The following UQCC1 variants were observed in gnomAD, a reference collection of about 807,000 sequenced individuals.
UQCC1 encodes bFGF-repressed Zic-binding protein.
In UQCC1, 38 loss-of-function variants were observed where a neutral mutation model predicts 48.0. The observed-to-expected ratio is 0.79, with a 90% confidence interval of 0.61 to 1.04. UQCC1 has a LOEUF of 1.04. UQCC1 is among the 50% of genes least tolerant of loss of function. UQCC1 has a pLI of 0.00. For missense variants in UQCC1, 368 were observed against 381.8 expected, an observed-to-expected ratio of 0.96 and a Z score of 0.30; for synonymous variants, 111 against 129.2, an observed-to-expected ratio of 0.86 and a Z score of 0.95.
chr20:35,355,348 A>G (rs2061535433), intron 6 of UQCC1, among the ~76,000 whole-genome samples: 1 of 152,244 alleles, frequency 6.6e-6, no homozygotes, highest in Non-Finnish European at 1.5e-5. Context: ...CATGAGTTCT[A>G]CTGGGAAAAT....
intron 1 of UQCC1, among the ~76,000 whole-genome samples, chr20:35,402,834 G>A (rs1296983223): frequency 6.6e-6 from 1 of 151,670 alleles, no homozygotes; most frequent in Non-Finnish European, 1.5e-5. Flanking sequence ...GGGAGGCCGA[G>A]GCAGGCGGAC....
chr20:35,405,713 C>T lies in UQCC1; in HGVS notation c.24+6227G>A, dbSNP rs1008176543. Among the ~76,000 whole-genome samples the T allele has an allele frequency of 8.0e-4, 121 of 152,076 alleles. 3 individuals are homozygous for T. Among genetic ancestry groups the T allele is most frequent in the Non-Finnish European group, 1.8e-4 (12 of 68,020 alleles). On this transcript the variant is annotated intron_variant, in intron 1 of 9. Coordinates refer to ENST00000374385, the MANE Select transcript of UQCC1 (RefSeq NM_018244.5). Reference sequence around the variant, plus strand: ...GACCATCCTGGCCAACATGGTGAAACCCCATCTCTACTAAAAATACAAAAA... The same window carrying T: ...GACCATCCTGGCCAACATGGTGAAATCCCATCTCTACTAAAAATACAAAAA...
intron 8 of UQCC1, among the ~76,000 whole-genome samples, chr20:35,309,738 G>A (rs1400070926): frequency 6.6e-6 from 1 of 152,192 alleles, no homozygotes; most frequent in Non-Finnish European, 1.5e-5. Flanking sequence ...TTTCAGCTTT[G>A]GAGGGTTCTA....
chr20:35,321,445 G>A (rs2061128301), intron 7 of UQCC1, among the ~76,000 whole-genome samples: 1 of 152,106 alleles, frequency 6.6e-6, no homozygotes, highest in Non-Finnish European at 1.5e-5. Flanking sequence ...TGTTCCCGTT[G>A]CGATGAAAGG....
chr20:35,383,896 G>T (rs2061906160), intron 3 of UQCC1, 142 bp downstream of exon 3: 1 of 607,920 alleles, frequency 1.6e-6, no homozygotes, highest in African/African-American at 1.9e-5. Context: ...TACCATCCTT[G>T]TGACCTTGGG....
At chr20:35,339,475 T>C (rs757602020) in intron 7 of UQCC1, among the ~76,000 whole-genome samples, 2 of 152,124 alleles carry the variant, frequency 1.3e-5, no homozygotes, top group Admixed American at 6.5e-5. Context: ...TCAGACGGAA[T>C]AGCATAAACA....
At chr20:35,320,758 G>A (rs144932396) in intron 7 of UQCC1, among the ~76,000 whole-genome samples, 20 of 152,368 alleles carry the variant, frequency 1.3e-4, no homozygotes, top group Middle Eastern at 6.8e-3. Context: ...AAACACTGAT[G>A]AGCATGAAGG....
At chr20:35,403,157 AG>A (rs1447115863) in intron 1 of UQCC1, among the ~76,000 whole-genome samples, 2 of 152,196 alleles carry the variant, frequency 1.3e-5, no homozygotes, top group Non-Finnish European at 2.9e-5. Context: ...GATTACATAC[AG>A]GAAAGATTTG....
At chr20:35,337,754 C>T (rs2061330326) in intron 7 of UQCC1, among the ~76,000 whole-genome samples, 1 of 152,188 alleles carries the variant, frequency 6.6e-6, no homozygotes, top group Admixed American at 6.5e-5. Flanking sequence ...CTAGTTTTAA[C>T]TTCTGAACTC....
chr20:35,385,844 CTTT>C (rs111277050), intron 2 of UQCC1, among the ~76,000 whole-genome samples: 1 of 137,572 alleles, frequency 7.3e-6, no homozygotes. Context: ...TTTAAATAGA[CTTT>C]TTTTTTTTTT....
chr20:35,366,495 C>A, intron 6 of UQCC1, 62 bp downstream of exon 6: 1 of 1,478,408 alleles, frequency 6.8e-7, no homozygotes, highest in South Asian at 1.1e-5. Context: ...AAGGCTATAC[C>A]TTACAAGTCA....
At chr20:35,387,083 C>G (rs372740278) in intron 2 of UQCC1, among the ~76,000 whole-genome samples, 1 of 151,820 alleles carries the variant, frequency 6.6e-6, no homozygotes, top group Non-Finnish European at 1.5e-5. Flanking sequence ...TAGAGACCAG[C>G]CTGGGCAACA....
chr20:35,379,670 G>A (rs1003751778), intron 4 of UQCC1, among the ~76,000 whole-genome samples: 4 of 152,116 alleles, frequency 2.6e-5, no homozygotes, highest in Non-Finnish European at 4.4e-5. Flanking sequence ...GCCAGGTGTG[G>A]TGGCATGCGC....
Position 35,306,772 on chromosome 20 carries a change from A to G in UQCC1, c.659T>C (p.Leu220Pro). 1 of 1,613,892 alleles carries G rather than the reference A, an allele frequency of 6.2e-7. No individual in the cohort carries two copies. Among genetic ancestry groups the G allele is most frequent in the Non-Finnish European group, 8.5e-7 (1 of 1,179,824 alleles). The part of the protein sequence containing the change: ...AAILGYDEGI[L>P]SDDHGLAAAL... ...AGCGGCCAGCCCATGATCATCTGAA[A>G]GGATCCCCTGGAACATACAGCACAG... is the stretch of plus-strand genomic sequence containing the variant. The change falls in exon 9 of 10, where the codon CTT becomes CCT. Residue 220 changes from leucine to proline, a missense_variant. Leu to Pro is a moderately conservative substitution (Grantham distance 98). Coordinates refer to ENST00000374385, the MANE Select transcript of UQCC1 (RefSeq NM_018244.5).
chr20:35,347,031 CG>C lies in UQCC1; in HGVS notation c.573+132del, dbSNP rs544605212. On this transcript the variant is annotated intron_variant, in intron 7 of 9. Coordinates refer to ENST00000374385, the MANE Select transcript of UQCC1 (RefSeq NM_018244.5). ...ACAGAGGCAGAAAAAGTGACTTTAG[CG>C]GAACTGCCACTTGATATTAGGCAGC... is the stretch of plus-strand genomic sequence containing the variant. The C allele has an allele frequency of 6.4e-3, 10,221 of 1,593,310 alleles. 47 individuals carry two copies. Among genetic ancestry groups the C allele is most frequent in the Non-Finnish European group, 7.3e-3 (8,538 of 1,168,676 alleles).
chr20:35,334,356 T>C (rs1024597148), intron 7 of UQCC1, among the ~76,000 whole-genome samples: 5 of 152,248 alleles, frequency 3.3e-5, no homozygotes, highest in Non-Finnish European at 7.3e-5. Flanking sequence ...GGAGCTAGTC[T>C]GGATAAAGAG....
chr20:35,306,919 C>T (rs1179102532), intron 8 of UQCC1, 140 bp from the exon 9 acceptor site: 1 of 715,924 alleles, frequency 1.4e-6, no homozygotes, highest in African/African-American at 1.7e-5. Context: ...ATGGGGCAGT[C>T]ACACAGTAGA....
intron 8 of UQCC1, among the ~76,000 whole-genome samples, chr20:35,311,881 T>C (rs2060999023): frequency 6.6e-6 from 1 of 152,210 alleles, no homozygotes; most frequent in Non-Finnish European, 1.5e-5. Flanking sequence ...GGGTGACTTG[T>C]TGAACCACCA....
chr20:35,353,720 AG>A (rs2061516387), intron 6 of UQCC1, among the ~76,000 whole-genome samples: 1 of 152,062 alleles, frequency 6.6e-6, no homozygotes. Context: ...TCAGCCTGGG[AG>A]GTCAAGGCTG....
Sources: allele counts gnomAD v4.1 joint callset (sites outside exome capture counted in the v4.1 genomes callset), GRCh38; gene constraint gnomAD v4.1.1; transcripts MANE v1.5; gene names NCBI Gene and HGNC (gene_info 2026-07-23, HGNC 2026-07-21).